HDAC9: variants seen among roughly 807,000 people sequenced by gnomAD.
HDAC9 encodes the protein histone deacetylase 9.
In HDAC9, 41 loss-of-function variants were observed where a neutral mutation model predicts 139.4. That is an observed-to-expected ratio of 0.29 (90% confidence interval 0.23 to 0.38). HDAC9 has a LOEUF of 0.38. Ranked by LOEUF, HDAC9 falls within the 10% of genes least tolerant of loss-of-function variation. The pLI is 1.00. For synonymous variants in HDAC9, 517 were observed against 476.2 expected (o/e 1.09, Z -1.12); for missense variants, 1,147 against 1,297.0 (o/e 0.88, Z 1.78).
rs59092377 is a variant in HDAC9 at position 18,881,817 on chromosome 7, C to G, written c.2803+7221C>G. On this transcript the variant is annotated intron_variant, in intron 22 of 25. Coordinates refer to ENST00000686413, the MANE Select transcript of HDAC9 (RefSeq NM_178425.4). ...TGTAATCAGGGACTCAATGCCTTGT[C>G]TTCTCATAATGGCATTTCAGGCCAC... Among the ~76,000 whole-genome samples, 506 of 152,178 alleles carry G rather than the reference C, an allele frequency of 3.3e-3. 2 individuals are homozygous for G. The highest frequency in any genetic ancestry group is 0.012 in the African/African-American group (483 of 41,550).
At position 18,593,842 on chromosome 7, in the gene HDAC9, A is replaced by T. The variant is rs1583830417; in HGVS notation, c.543-66A>T. 1.1e-5 allele frequency: 17 copies of T among 1,561,038 alleles called. No individual in the cohort carries two copies. The East Asian group carries it at 3.8e-4, about 35-fold the overall frequency. On this transcript the variant is annotated intron_variant, in intron 5 of 25. Coordinates refer to ENST00000686413, the MANE Select transcript of HDAC9 (RefSeq NM_178425.4). ...GGCACGTGTACAGCGTGTGCAGCTG[A>T]TTATTGCTGACCAATATGCAGTAAA...
intron 1 of HDAC9, among the ~76,000 whole-genome samples, chr7:18,295,365 A>C (rs968141451): frequency 6.6e-6 from 1 of 152,202 alleles, no homozygotes; most frequent in African/African-American, 2.4e-5. Context: ...ATCAAAAAAT[A>C]CCATGGAATT....
intron 2 of HDAC9, among the ~76,000 whole-genome samples, chr7:18,243,801 G>A (rs1057170420): frequency 2.0e-5 from 3 of 152,158 alleles, no homozygotes; most frequent in African/African-American, 4.8e-5. Context: ...CTGTGATTAC[G>A]TTAAGCTTCC....
At chr7:18,709,584 A>T (rs1303955731) in intron 12 of HDAC9, among the ~76,000 whole-genome samples, 1 of 152,234 alleles carries the variant, frequency 6.6e-6, no homozygotes, top group Non-Finnish European at 1.5e-5. Flanking sequence ...CCCAAATATT[A>T]TAGCTTAATT....
At chr7:18,966,936 G>A (rs1448851376) in intron 24 of HDAC9, among the ~76,000 whole-genome samples, 5 of 152,084 alleles carry the variant, frequency 3.3e-5, no homozygotes, top group Non-Finnish European at 5.9e-5. Context: ...AACATTATTA[G>A]CTGAAATGAG....
chr7:18,109,128 G>A (rs552649094), intron 1 of HDAC9, among the ~76,000 whole-genome samples: 1 of 152,250 alleles, frequency 6.6e-6, no homozygotes, highest in South Asian at 2.1e-4. Context: ...TTAAAGTAAT[G>A]GATAGGAATT....
chr7:18,635,436 ATTAGT>A (rs1374231460), intron 8 of HDAC9, among the ~76,000 whole-genome samples: 2 of 152,172 alleles, frequency 1.3e-5, no homozygotes, highest in South Asian at 2.1e-4. Context: ...ATTAAAGGAT[ATTAGT>A]TTAAAGTAAC....
chr7:18,866,872 C>T (rs974418645), intron 21 of HDAC9, among the ~76,000 whole-genome samples: 1 of 152,154 alleles, frequency 6.6e-6, no homozygotes, highest in Non-Finnish European at 1.5e-5. Context: ...AACTTAAGGA[C>T]AACACTTGAC....
intron 2 of HDAC9, among the ~76,000 whole-genome samples, chr7:18,505,593 T>G (rs1456036660): frequency 2.6e-5 from 4 of 152,208 alleles, no homozygotes; most frequent in Non-Finnish European, 5.9e-5. Flanking sequence ...TACTTTATCT[T>G]GAGTTAATTT....
chr7:18,402,482 A>G (rs1024571821), intron 1 of HDAC9, among the ~76,000 whole-genome samples: 5 of 152,216 alleles, frequency 3.3e-5, no homozygotes, highest in South Asian at 2.1e-4. Flanking sequence ...CTATCAATGT[A>G]GTATAAAGTA....
chr7:19,000,961 CTTTTGTT>C lies in HDAC9; in HGVS notation c.*4904_*4910del, dbSNP rs1428532366. The C allele has an allele frequency of 6.6e-6, 1 of 152,120 alleles. No individual in the cohort carries two copies. Among genetic ancestry groups the C allele is most frequent in the East Asian group, 1.9e-4 (1 of 5,198 alleles). The allele number at this position is 152,120 out of a possible 1,614,324, so 9.4% of individuals were successfully genotyped here. A position where few individuals can be genotyped will look rare whatever the true frequency, so the allele number is the denominator to read the frequency against. On this transcript the variant is annotated 3_prime_UTR_variant, in exon 26 of 26. Coordinates refer to ENST00000686413, the MANE Select transcript of HDAC9 (RefSeq NM_178425.4). ...ATAAACATTTTGATAGATACTCTGT[CTTTTGTT>C]TTTTATCTCTTCTCTTTTCAAGAGT...
At chr7:18,885,800 A>G (rs1800102668) in intron 22 of HDAC9, among the ~76,000 whole-genome samples, 1 of 152,228 alleles carries the variant, frequency 6.6e-6, no homozygotes, top group Non-Finnish European at 1.5e-5. Flanking sequence ...CAGAAAAGTA[A>G]GCTTTATAAT....
chr7:18,854,168 C>T (rs71524253), intron 21 of HDAC9, among the ~76,000 whole-genome samples: 1,755 of 152,206 alleles, frequency 0.012, 13 homozygotes, highest in African/African-American at 0.014. Context: ...CAGAAATGTA[C>T]CAGAAATTTT....
chr7:18,355,978 A>G (rs1009066689), intron 1 of HDAC9, among the ~76,000 whole-genome samples: 1 of 152,196 alleles, frequency 6.6e-6, no homozygotes, highest in African/African-American at 2.4e-5. Flanking sequence ...GAAATGTTCC[A>G]AAATTGGATT....
intron 21 of HDAC9, among the ~76,000 whole-genome samples, chr7:18,859,273 A>C (rs1797910655): frequency 6.6e-6 from 1 of 152,146 alleles, no homozygotes; most frequent in Non-Finnish European, 1.5e-5. Context: ...TGCTAGAAGA[A>C]AAGAGTTTCC....
chr7:18,597,348 A>G (rs1012958061), intron 6 of HDAC9, among the ~76,000 whole-genome samples: 3 of 152,164 alleles, frequency 2.0e-5, no homozygotes, highest in Admixed American at 6.6e-5. Context: ...CTAGAATTAT[A>G]CATTGTAATT....
intron 15 of HDAC9, among the ~76,000 whole-genome samples, chr7:18,765,016 T>G (rs1584997835): frequency 6.6e-6 from 1 of 152,170 alleles, no homozygotes; most frequent in African/African-American, 2.4e-5. Context: ...TCCAATTATT[T>G]CTGGTGCAAG....
At chr7:18,706,807 A>G (rs1419579908) in intron 12 of HDAC9, among the ~76,000 whole-genome samples, 3 of 152,248 alleles carry the variant, frequency 2.0e-5, no homozygotes, top group East Asian at 3.8e-4. Context: ...AGTTTCAGAA[A>G]GCTTGGGAAG....
chr7:18,406,141 A>G (rs75523459), intron 1 of HDAC9, among the ~76,000 whole-genome samples: 2,593 of 152,342 alleles, frequency 0.017, 81 homozygotes, highest in African/African-American at 0.059. Flanking sequence ...CAGCTAGTAT[A>G]ACATGAACAA....
Sources: allele counts gnomAD v4.1 joint callset (sites outside exome capture counted in the v4.1 genomes callset), GRCh38; gene constraint gnomAD v4.1.1; transcripts MANE v1.5; gene names NCBI Gene and HGNC (gene_info 2026-07-23, HGNC 2026-07-21).